TTC7B: variants seen among roughly 807,000 people sequenced by gnomAD.
The protein encoded by TTC7B is tetratricopeptide repeat protein 7B.
In TTC7B, 28 loss-of-function variants were observed where a neutral mutation model predicts 106.8. The observed-to-expected ratio is 0.26, with a 90% CI of 0.19 to 0.36. The LOEUF (loss-of-function observed/expected upper bound fraction) is 0.36. Among genes scored for constraint, TTC7B ranks in the 10% least tolerant of loss-of-function variants. The pLI is 1.00. For missense variants in TTC7B, 862 were observed against 1,076.4 expected, an observed-to-expected ratio of 0.80 and a Z score of 2.79; for synonymous variants, 405 against 430.6, an observed-to-expected ratio of 0.94 and a Z score of 0.74.
intron 7 of TTC7B, among the ~76,000 whole-genome samples, chr14:90,685,423 T>A (rs925278325): frequency 1.3e-5 from 2 of 152,104 alleles, no homozygotes; most frequent in African/African-American, 4.8e-5. Context: ...TTACTAATAT[T>A]CTAAGAAGTA....
chr14:90,644,257 G>T (rs76773245), intron 14 of TTC7B, 49 bp from the exon 15 acceptor site: 12 of 1,173,498 alleles, frequency 1.0e-5, no homozygotes, highest in Non-Finnish European at 1.2e-5. Context: ...ACATGCACAC[G>T]CACACACACA....
At chr14:90,695,621 T>C (rs749936160) in intron 5 of TTC7B, 43 bp from the exon 6 acceptor site, 27 of 1,314,752 alleles carry the variant, frequency 2.1e-5, no homozygotes, top group Non-Finnish European at 2.9e-5. Flanking sequence ...TGGCATGTAT[T>C]AATATTAAAT....
At chr14:90,715,225 G>A (rs1374555847) in intron 5 of TTC7B, among the ~76,000 whole-genome samples, 1 of 152,196 alleles carries the variant, frequency 6.6e-6, no homozygotes, top group African/African-American at 2.4e-5. Context: ...TGTTGGTAGT[G>A]TGTCCCCATC....
intron 3 of TTC7B, among the ~76,000 whole-genome samples, chr14:90,750,993 G>A (rs1890117402): frequency 6.6e-6 from 1 of 152,166 alleles, no homozygotes; most frequent in South Asian, 2.1e-4. Flanking sequence ...CTGAGGTCAT[G>A]GACAAAATTG....
intron 19 of TTC7B, among the ~76,000 whole-genome samples, chr14:90,566,094 G>A (rs1417731505): frequency 1.3e-5 from 2 of 152,130 alleles, no homozygotes; most frequent in Admixed American, 6.6e-5. Flanking sequence ...GCTCATGCCT[G>A]TAATCCCAGC....
chr14:90,571,711 G>A (rs183692580), intron 19 of TTC7B, among the ~76,000 whole-genome samples: 101 of 152,310 alleles, frequency 6.6e-4, no homozygotes, highest in African/African-American at 2.3e-3. Flanking sequence ...ATTTGAAAGC[G>A]GGAAGGGTAT....
At position 90,578,849 on chromosome 14, in the gene TTC7B, C is replaced by T. The variant is rs968307751; in HGVS notation, c.2108-541G>A. The stretch of plus-strand genomic sequence containing the variant: ...AGATGGCTGCCCCGCCACACCTGGC[C>T]CCTGAGCTCACCTCTGACCAGGGGA... On this transcript the variant is annotated intron_variant, in intron 18 of 19. Coordinates refer to ENST00000328459, the MANE Select transcript of TTC7B (RefSeq NM_001010854.2). The surrounding 1 kb of genome is among the most constrained non-coding windows in gnomAD (Gnocchi z 4.7). Among the ~76,000 whole-genome samples, 1 of 152,104 alleles carries T rather than the reference C, an allele frequency of 6.6e-6. No individual in the cohort carries two copies. Among genetic ancestry groups the T allele is most frequent in the African/African-American group, 2.4e-5 (1 of 41,412 alleles).
At chr14:90,767,041 AAAAAG>A in intron 3 of TTC7B, 27 of 830,588 alleles carry the variant, frequency 3.3e-5, no homozygotes, top group East Asian at 1.7e-4. Flanking sequence ...AAAAAAAAAA[AAAAAG>A]AAAGAAAGGA....
At chr14:90,597,169 T>C (rs1566789844) in intron 17 of TTC7B, among the ~76,000 whole-genome samples, 2 of 152,244 alleles carry the variant, frequency 1.3e-5, no homozygotes, top group South Asian at 2.1e-4. Context: ...AGAGCCTTCA[T>C]ATTCTGAACC....
At chr14:90,668,317 C>T (rs961196) in intron 9 of TTC7B, among the ~76,000 whole-genome samples, 32,083 of 152,044 alleles carry the variant, frequency 0.21, 3,535 homozygotes, top group Middle Eastern at 0.3. Flanking sequence ...TCTTATTGAG[C>T]TTCCTAACAG....
intron 13 of TTC7B, among the ~76,000 whole-genome samples, chr14:90,649,401 T>C (rs1053679534): frequency 6.6e-6 from 1 of 152,196 alleles, no homozygotes; most frequent in Non-Finnish European, 1.5e-5. Flanking sequence ...CTAAGCTTCC[T>C]GTGGGAAAGC....
At chr14:90,780,989 G>A (rs1291593336) in intron 2 of TTC7B, 83 bp from the exon 3 acceptor site, 32 of 1,256,458 alleles carry the variant, frequency 2.5e-5, no homozygotes, top group East Asian at 1.4e-4. Context: ...AGCTGCTGCC[G>A]TAAAACCCCA....
chr14:90,697,718 C>A (rs921967012), intron 5 of TTC7B: 1 of 152,114 alleles, frequency 6.6e-6, no homozygotes, highest in Non-Finnish European at 1.5e-5. Flanking sequence ...AATTCAATTC[C>A]CCCGTTAAGG....
intron 9 of TTC7B, among the ~76,000 whole-genome samples, chr14:90,665,442 C>A (rs900195733): frequency 1.3e-5 from 2 of 152,184 alleles, no homozygotes; most frequent in Admixed American, 6.5e-5. Context: ...TCTGAGGGGG[C>A]TCCAGGAATG....
At chr14:90,698,227 T>C (rs2139950694) in intron 5 of TTC7B, 1 of 152,314 alleles carries the variant, frequency 6.6e-6, no homozygotes, top group South Asian at 2.1e-4. Context: ...AGGAAAAATG[T>C]TCAAGTACAC....
At chr14:90,543,638 A>G (rs1246793460) in intron 19 of TTC7B, among the ~76,000 whole-genome samples, 1 of 152,336 alleles carries the variant, frequency 6.6e-6, no homozygotes, top group Middle Eastern at 3.4e-3. Context: ...CAGTTTCTTC[A>G]TTCCCTTTAG....
At chr14:90,547,938 T>G (rs1889906878) in intron 19 of TTC7B, among the ~76,000 whole-genome samples, 1 of 152,170 alleles carries the variant, frequency 6.6e-6, no homozygotes, top group Non-Finnish European at 1.5e-5. Context: ...CCTGAAAGCA[T>G]CCTTCCCAAG....
chr14:90,753,861 C>G (rs911094682), intron 3 of TTC7B, among the ~76,000 whole-genome samples: 1 of 152,364 alleles, frequency 6.6e-6, no homozygotes, highest in East Asian at 1.9e-4. Flanking sequence ...TAGACATTCC[C>G]CTGCTAGAGC....
intron 5 of TTC7B, among the ~76,000 whole-genome samples, chr14:90,711,614 G>C (rs142541057): frequency 6.6e-6 from 1 of 152,178 alleles, no homozygotes; most frequent in African/African-American, 2.4e-5. Context: ...TGAAGACGGG[G>C]TTTTGCCATG....
Sources: gnomAD v4.1 joint callset for allele counts (sites outside exome capture counted in the v4.1 genomes callset) on GRCh38, gnomAD v4.1.1 for gene constraint, Gnocchi (gnomAD v3.1) non-coding constraint, MANE v1.5 for transcripts, NCBI Gene and HGNC (gene_info 2026-07-23, HGNC 2026-07-21) for gene names.